DAB1: variants seen among roughly 807,000 people sequenced by gnomAD.
DAB1 encodes DAB adaptor protein 1, also known as disabled homolog 1.
Under a neutral mutation model 64.6 loss-of-function variants are expected in DAB1, and 15 were observed. The ratio of observed to expected loss-of-function variants is 0.23; its 90% CI spans 0.16 to 0.36. DAB1 has a LOEUF of 0.36. DAB1 is among the 10% of genes least tolerant of loss of function. The pLI is 1.00. For missense variants in DAB1, 596 were observed against 706.7 expected (o/e 0.84, Z 1.78); for synonymous variants, 235 against 251.9 (o/e 0.93, Z 0.64).
chr1:58,305,574 G>T (rs1229300278), intron 4 of DAB1, among the ~76,000 whole-genome samples: 2 of 151,890 alleles, frequency 1.3e-5, no homozygotes. Flanking sequence ...TGTGTGTAAA[G>T]CATTTCATAT....
intron 7 of DAB1, among the ~76,000 whole-genome samples, chr1:57,586,542 C>T (rs985186169): frequency 3.3e-5 from 5 of 151,972 alleles, no homozygotes; most frequent in Admixed American, 2.0e-4. Context: ...ACCATGCTGG[C>T]ACCTCATTCC....
At chr1:58,002,182 C>A (rs1018115813) in intron 5 of DAB1, among the ~76,000 whole-genome samples, 1 of 152,180 alleles carries the variant, frequency 6.6e-6, no homozygotes, top group South Asian at 2.1e-4. Flanking sequence ...AGAGGAGCCA[C>A]AGGCAACTGA....
At chr1:57,963,842 C>A in intron 5 of DAB1, among the ~76,000 whole-genome samples, 1 of 152,196 alleles carries the variant, frequency 6.6e-6, no homozygotes, top group East Asian at 1.9e-4. Flanking sequence ...TTTGGCAGTG[C>A]TTCTGTGCAC....
chr1:58,469,876 A>G (rs182225108), intron 3 of DAB1, among the ~76,000 whole-genome samples: 1 of 152,136 alleles, frequency 6.6e-6, no homozygotes, highest in Non-Finnish European at 1.5e-5. Flanking sequence ...GAGAATTTTT[A>G]AAAATAAATA....
intron 3 of DAB1, among the ~76,000 whole-genome samples, chr1:58,495,634 C>T (rs1294031616): frequency 6.6e-6 from 1 of 151,936 alleles, no homozygotes; most frequent in East Asian, 1.9e-4. Context: ...GGAAAGAGCA[C>T]TGTTGCAACC....
chr1:57,558,289 G>C (rs1321874284), intron 7 of DAB1, among the ~76,000 whole-genome samples: 1 of 152,108 alleles, frequency 6.6e-6, no homozygotes. Context: ...TGTTGCCTGA[G>C]GCAACAGTGA....
chr1:57,226,859 G>C (rs907490875), intron 2 of DAB1, among the ~76,000 whole-genome samples: 1 of 151,720 alleles, frequency 6.6e-6, no homozygotes, highest in African/African-American at 2.4e-5. Context: ...CACCCATCCT[G>C]CCATGAAACC....
At chr1:57,744,140 G>A (rs1296235022) in intron 6 of DAB1, among the ~76,000 whole-genome samples, 1 of 152,198 alleles carries the variant, frequency 6.6e-6, no homozygotes, top group Non-Finnish European at 1.5e-5. Context: ...GTTTATGGCA[G>A]GATTTTGGGG....
intron 5 of DAB1, among the ~76,000 whole-genome samples, chr1:58,096,399 C>G (rs554146291): frequency 2.6e-5 from 4 of 152,324 alleles, no homozygotes; most frequent in East Asian, 1.9e-4. Context: ...ACAGACTTCT[C>G]TAGCTAATGA....
chr1:58,131,996 C>T (rs963925807), intron 5 of DAB1, among the ~76,000 whole-genome samples: 15 of 152,072 alleles, frequency 9.9e-5, no homozygotes, highest in Non-Finnish European at 1.5e-4. Context: ...CCAGTTCGAG[C>T]TTCCTGGCTG....
chr1:58,132,033 A>T (rs907875507), intron 5 of DAB1, among the ~76,000 whole-genome samples: 1 of 152,076 alleles, frequency 6.6e-6, no homozygotes, highest in African/African-American at 2.4e-5. Context: ...AAGCCTGGGC[A>T]ATGGCGGGCG....
intron 8 of DAB1, among the ~76,000 whole-genome samples, chr1:57,068,770 C>T (rs934366905): frequency 2.0e-5 from 3 of 152,062 alleles, no homozygotes; most frequent in Admixed American, 6.6e-5. Flanking sequence ...TGTACAACCC[C>T]GAGAAAGCTA....
chr1:57,402,158 T>A (rs1352297528), intron 1 of DAB1, among the ~76,000 whole-genome samples: 1 of 152,150 alleles, frequency 6.6e-6, no homozygotes, highest in Non-Finnish European at 1.5e-5. Context: ...ACCTATGAGG[T>A]CAATCTCATC....
intron 7 of DAB1, among the ~76,000 whole-genome samples, chr1:57,597,720 T>G (rs1163208057): frequency 6.6e-6 from 1 of 152,232 alleles, no homozygotes; most frequent in African/African-American, 2.4e-5. Context: ...GCTAATTTTT[T>G]CTTTAATACA....
At chr1:57,794,505 T>C (rs375048180) in intron 6 of DAB1, among the ~76,000 whole-genome samples, 3 of 152,194 alleles carry the variant, frequency 2.0e-5, no homozygotes, top group African/African-American at 7.2e-5. Context: ...AAATACAGCT[T>C]ATCCTACAAG....
intron 2 of DAB1, among the ~76,000 whole-genome samples, chr1:57,226,919 T>C (rs543280645): frequency 7.2e-5 from 11 of 152,034 alleles, no homozygotes; most frequent in African/African-American, 2.7e-4. Flanking sequence ...GGCTTATGCC[T>C]GTAAACCCAG....
intron 1 of DAB1, among the ~76,000 whole-genome samples, chr1:57,829,593 G>C (rs1371919262): frequency 6.6e-6 from 1 of 152,140 alleles, no homozygotes; most frequent in East Asian, 1.9e-4. Context: ...CATTTATTGA[G>C]AGCTTCTTGC....
chr1:57,915,633 GCAC>G (rs1313881550), intron 5 of DAB1, among the ~76,000 whole-genome samples: 1 of 152,036 alleles, frequency 6.6e-6, no homozygotes, highest in Non-Finnish European at 1.5e-5. Flanking sequence ...AAGTTATTGG[GCAC>G]CACATTTAGA....
chr1:57,206,159 C>T (rs746396312), intron 2 of DAB1, among the ~76,000 whole-genome samples: 5 of 152,152 alleles, frequency 3.3e-5, no homozygotes, highest in East Asian at 1.9e-4. Context: ...AGGAAGCTGG[C>T]TTTGTTCTGC....
Sources: gnomAD v4.1 joint callset for allele counts (sites outside exome capture counted in the v4.1 genomes callset) on GRCh38, gnomAD v4.1.1 for gene constraint, MANE v1.5 for transcripts, NCBI Gene and HGNC (gene_info 2026-07-23, HGNC 2026-07-21) for gene names.